Variants in PARP15 observed in about 807,000 individuals in gnomAD.
PARP15 encodes protein mono-ADP-ribosyltransferase PARP15.
In PARP15, 50 loss-of-function variants were observed where a neutral mutation model predicts 62.1. That is an observed-to-expected ratio of 0.81 (90% CI 0.64 to 1.02). PARP15 has a LOEUF of 1.02. PARP15 is among the 50% of genes least tolerant of loss of function. PARP15 has a pLI of 0.00. For synonymous variants in PARP15, 309 were observed against 293.1 expected (o/e 1.05, Z -0.55); for missense variants, 820 against 826.5 (o/e 0.99, Z 0.10).
chr3:122,582,771 TTTC>T (rs1251454966), intron 1 of PARP15, among the ~76,000 whole-genome samples: 2 of 152,190 alleles, frequency 1.3e-5, no homozygotes, highest in Non-Finnish European at 2.9e-5. Context: ...CCTCTCTCTC[TTTC>T]GTATTAGTCC....
intron 8 of PARP15, 141 bp downstream of exon 8, chr3:122,621,752 T>G (rs1256901403): frequency 1.4e-6 from 1 of 727,606 alleles, no homozygotes; most frequent in African/African-American, 1.9e-5. Context: ...ATCTTTTAGA[T>G]CTGGAGGGCA....
At chr3:122,626,089 A>G (rs1264165983) in intron 8 of PARP15, among the ~76,000 whole-genome samples, 1 of 152,192 alleles carries the variant, frequency 6.6e-6, no homozygotes, top group African/African-American at 2.4e-5. Context: ...TCTCTGGATC[A>G]GAGACTTTTA....
chr3:122,611,700 T>C (rs1210207713), intron 3 of PARP15, among the ~76,000 whole-genome samples: 2 of 151,560 alleles, frequency 1.3e-5, no homozygotes, highest in Non-Finnish European at 2.9e-5. Context: ...TATGACTTTA[T>C]GCATATTTAT....
intron 4 of PARP15, chr3:122,615,030 C>CAAAAAAAAAAAA (rs11356111): frequency 1.4e-6 from 1 of 736,706 alleles, no homozygotes; most frequent in African/African-American, 3.1e-5. Context: ...ACTCTGTCTG[C>CAAAAAAAAAAAA]AAAAAAAAAA....
At chr3:122,590,964 A>T (rs1559930464) in intron 1 of PARP15, among the ~76,000 whole-genome samples, 1 of 152,178 alleles carries the variant, frequency 6.6e-6, no homozygotes, top group Non-Finnish European at 1.5e-5. Flanking sequence ...ATTTACTATC[A>T]TGTTTGTTAC....
intron 1 of PARP15, among the ~76,000 whole-genome samples, chr3:122,597,347 GT>G (rs60185867): frequency 0.86 from 130,433 of 151,130 alleles, 56,601 homozygotes; most frequent in East Asian, 0.92. Flanking sequence ...ATAGCAAGTG[GT>G]TTTTTTTTTC....
Position 122,636,176 on chromosome 3 carries a change from C to T in PARP15, c.*76C>T. The T allele has an allele frequency of 2.1e-6, 3 of 1,415,432 alleles. No individual in the cohort carries two copies. The highest frequency in any genetic ancestry group is 2.0e-4 in the Middle Eastern group (1 of 5,060). The allele number at this position is 1,415,432 out of a possible 1,614,324, so 87.7% of individuals were successfully genotyped here. ...TGCAATCTTTGTCTTTGCTTCTGGC[C>T]TGTGTAAGCAGATGAAAGTTTCCCT... On this transcript the variant is annotated 3_prime_UTR_variant, in exon 12 of 12. Coordinates refer to ENST00000464300, the MANE Select transcript of PARP15 (RefSeq NM_001113523.3).
At position 122,607,488 on chromosome 3, in the gene PARP15, A is replaced by T. The variant is rs188045833; in HGVS notation, c.306+1433A>T. 2.0e-5 allele frequency among the ~76,000 whole-genome samples: 3 copies of T among 152,334 alleles called. No homozygotes were observed. The East Asian group carries it at 5.8e-4, about 29-fold the overall frequency. On this transcript the variant is annotated intron_variant, in intron 2 of 11. Coordinates refer to ENST00000464300, the MANE Select transcript of PARP15 (RefSeq NM_001113523.3). ...TTATGAGGCTTAAATGAAATAATTC[A>T]TATAAACCACTTATCCCCTGCCTTG...
Position 122,636,022 on chromosome 3 carries a change from T to C in PARP15, c.1959T>C (p.Asn653=), listed in dbSNP as rs764136283. The C allele has an allele frequency of 1.2e-6, 2 of 1,614,052 alleles. No individual in the cohort carries two copies. Among genetic ancestry groups the C allele is most frequent in the African/African-American group, 2.7e-5 (2 of 75,022 alleles). ...PTDLFDSVTN[N]TRSPKLFVVF... ...ATCTCTTTGACTCAGTGACAAACAA[T>C]ACACGATCTCCAAAGCTATTTGTGG... The change falls in exon 12 of 12, where the codon AAT becomes AAC. Residue 653 remains asparagine (N), a synonymous_variant. Coordinates refer to ENST00000464300, the MANE Select transcript of PARP15 (RefSeq NM_001113523.3).
chr3:122,625,402 C>T (rs540489294), intron 8 of PARP15, among the ~76,000 whole-genome samples: 3 of 152,124 alleles, frequency 2.0e-5, no homozygotes, highest in Non-Finnish European at 4.4e-5. Flanking sequence ...TACAGGTGTC[C>T]GCCACCATGG....
At chr3:122,579,101 C>G (rs1437883990) in intron 1 of PARP15, among the ~76,000 whole-genome samples, 1 of 152,022 alleles carries the variant, frequency 6.6e-6, no homozygotes, top group African/African-American at 2.4e-5. Context: ...TACTGATCCT[C>G]GACACAACCA....
At chr3:122,618,785 C>T (rs1936150986) in intron 6 of PARP15, among the ~76,000 whole-genome samples, 1 of 152,074 alleles carries the variant, frequency 6.6e-6, no homozygotes, top group African/African-American at 2.4e-5. Flanking sequence ...AGTGCCCAGC[C>T]CCTCTCCTGC....
intron 3 of PARP15, among the ~76,000 whole-genome samples, chr3:122,611,090 T>G (rs78152820): frequency 0.041 from 6,180 of 151,968 alleles, 415 homozygotes; most frequent in African/African-American, 0.14. Flanking sequence ...TCTACAGGAG[T>G]GGTGTCTAAG....
At chr3:122,603,140 A>G (rs1934923835) in intron 1 of PARP15, among the ~76,000 whole-genome samples, 1 of 152,090 alleles carries the variant, frequency 6.6e-6, no homozygotes, top group Admixed American at 6.5e-5. Context: ...ACAGCCTTGT[A>G]TCAAGGGGAA....
intron 1 of PARP15, among the ~76,000 whole-genome samples, chr3:122,578,598 A>T (rs1354008): frequency 0.32 from 41,942 of 132,408 alleles, 6,167 homozygotes; most frequent in African/African-American, 0.41. Context: ...CCGTTTATTC[A>T]TCTGCTTTAG....
chr3:122,636,193 A>G lies in PARP15; in HGVS notation c.*93A>G. 1 of 1,331,658 alleles carries G rather than the reference A, an allele frequency of 7.5e-7. No individual in the cohort carries two copies. The highest frequency in any genetic ancestry group is 1.5e-5 in the African/African-American group (1 of 67,796). 82.5% of individuals were successfully genotyped at this position (1,331,658 alleles called of 1,614,324 possible). On this transcript the variant is annotated 3_prime_UTR_variant, in exon 12 of 12. Transcript: ENST00000464300. ...CTTCTGGCCTGTGTAAGCAGATGAA[A>G]GTTTCCCTTTTAGGTGCCAAAATGC...
At chr3:122,612,950 A>T in intron 3 of PARP15, 91 bp from the exon 4 acceptor site, 1 of 1,096,994 alleles carries the variant, frequency 9.1e-7, no homozygotes, top group South Asian at 1.4e-5. Flanking sequence ...AATAGCAGAG[A>T]GGTCCTTGTC....
At chr3:122,605,217 G>A (rs1024612452) in intron 1 of PARP15, among the ~76,000 whole-genome samples, 5 of 152,096 alleles carry the variant, frequency 3.3e-5, no homozygotes, top group African/African-American at 7.2e-5. Context: ...GTGGGGGATT[G>A]TGGAGGGGGG....
rs1242255549 is a variant in PARP15, at chr3:122,621,386, A to G, written c.1064-58A>G. ...AGCTGTTTTCATTTCTCAAAAATCA[A>G]AGTGTTGCCTCCAGTAATTAATGGG... On this transcript the variant is annotated intron_variant, in intron 7 of 11. Transcript: ENST00000464300. 7 of 1,515,464 alleles carry G rather than the reference A, an allele frequency of 4.6e-6. No individual in the cohort carries two copies. The Admixed American group carries it at 6.5e-5, about 14-fold the overall frequency. The allele number at this position is 1,515,464 out of a possible 1,614,324, so 93.9% of individuals were successfully genotyped here. A position where few individuals can be genotyped will look rare whatever the true frequency, so the allele number is the denominator to read the frequency against.
Sources: allele counts gnomAD v4.1 joint callset (sites outside exome capture counted in the v4.1 genomes callset), GRCh38; gene constraint gnomAD v4.1.1; transcripts MANE v1.5; gene names NCBI Gene and HGNC (gene_info 2026-07-23, HGNC 2026-07-21).